The following ALKBH1 variants were observed in gnomAD, a reference collection of about 807,000 sequenced individuals.
ALKBH1 encodes the protein nucleic acid dioxygenase ALKBH1.
A neutral mutation model predicts 36.6 loss-of-function variants in ALKBH1; 31 were observed. The observed-to-expected ratio is 0.85, with a 90% CI of 0.64 to 1.14. ALKBH1 has a LOEUF of 1.14. Among genes scored for constraint, ALKBH1 ranks in the 50% most tolerant of loss-of-function variants. The pLI is 0.00. For synonymous variants in ALKBH1, 183 were observed against 186.6 expected (o/e 0.98, Z 0.16); for missense variants, 490 against 497.3 (o/e 0.99, Z 0.14).
intron 3 of ALKBH1, chr14:77,692,062 G>A (rs1368065317): frequency 6.6e-6 from 1 of 152,144 alleles, no homozygotes; most frequent in Non-Finnish European, 1.5e-5. Context: ...TACTCTGTTA[G>A]AATCGGCATG....
intron 2 of ALKBH1, chr14:77,696,886 C>T (rs1370992156): frequency 3.9e-5 from 6 of 152,832 alleles, no homozygotes; most frequent in African/African-American, 1.4e-4. Context: ...TTGACAAGCA[C>T]TGAGGAAGAG....
intron 3 of ALKBH1, among the ~76,000 whole-genome samples, chr14:77,680,834 T>C (rs980113515): frequency 2.0e-5 from 3 of 151,964 alleles, no homozygotes; most frequent in African/African-American, 7.2e-5. Context: ...CATGCACCAC[T>C]ACGCCCAGCT....
intron 3 of ALKBH1, among the ~76,000 whole-genome samples, chr14:77,693,636 A>T (rs1480670945): frequency 6.6e-6 from 1 of 152,044 alleles, no homozygotes; most frequent in Non-Finnish European, 1.5e-5. Flanking sequence ...GTAAACCCCT[A>T]CTCATTTTTG....
intron 3 of ALKBH1, among the ~76,000 whole-genome samples, chr14:77,693,289 TC>T (rs1446577695): frequency 1.3e-5 from 2 of 152,050 alleles, no homozygotes; most frequent in African/African-American, 4.8e-5. Context: ...CCTCAAGTGT[TC>T]TTCTCACCTT....
chr14:77,689,634 G>C (rs1037642210), intron 3 of ALKBH1, among the ~76,000 whole-genome samples: 1 of 152,106 alleles, frequency 6.6e-6, no homozygotes, highest in African/African-American at 2.4e-5. Context: ...GCAATGGAAG[G>C]AGACAGGGGT....
intron 2 of ALKBH1, among the ~76,000 whole-genome samples, chr14:77,695,431 G>T (rs893953602): frequency 2.6e-5 from 4 of 152,156 alleles, no homozygotes; most frequent in Non-Finnish European, 1.5e-5. Flanking sequence ...TTGCCAGCTG[G>T]CTGTCTGCTA....
chr14:77,693,763 G>A (rs2080311297), intron 3 of ALKBH1, among the ~76,000 whole-genome samples: 1 of 152,144 alleles, frequency 6.6e-6, no homozygotes, highest in African/African-American at 2.4e-5. Flanking sequence ...TGAGGCAGGG[G>A]GATCACTTGA....
At chr14:77,686,074 C>T (rs2080266815) in intron 3 of ALKBH1, among the ~76,000 whole-genome samples, 1 of 152,154 alleles carries the variant, frequency 6.6e-6, no homozygotes, top group Non-Finnish European at 1.5e-5. Flanking sequence ...TTAATATCTG[C>T]CTTCAATATG....
At chr14:77,690,806 C>CT (rs560611010) in intron 3 of ALKBH1, among the ~76,000 whole-genome samples, 135 of 145,220 alleles carry the variant, frequency 9.3e-4, no homozygotes, top group Non-Finnish European at 1.2e-3. Context: ...ACACATAACT[C>CT]TTTTTTTTTT....
intron 3 of ALKBH1, among the ~76,000 whole-genome samples, chr14:77,693,174 C>A (rs2080307242): frequency 6.7e-6 from 1 of 150,256 alleles, no homozygotes; most frequent in African/African-American, 2.5e-5. Context: ...CCATTGCACT[C>A]CAGCCTGGGC....
chr14:77,690,559 G>A (rs1439058944), intron 3 of ALKBH1, among the ~76,000 whole-genome samples: 3 of 152,206 alleles, frequency 2.0e-5, no homozygotes, highest in African/African-American at 7.2e-5. Context: ...AATGATGGCA[G>A]CTTAGACCAA....
intron 3 of ALKBH1, among the ~76,000 whole-genome samples, chr14:77,686,553 G>GCT (rs879319513): frequency 6.6e-6 from 1 of 152,216 alleles, no homozygotes; most frequent in Admixed American, 6.5e-5. Flanking sequence ...TGGTGAATGT[G>GCT]CTCATACAGC....
intron 2 of ALKBH1, among the ~76,000 whole-genome samples, chr14:77,699,251 G>A (rs912417369): frequency 2.0e-5 from 3 of 152,172 alleles, no homozygotes; most frequent in African/African-American, 7.2e-5. Context: ...AATATCCTTA[G>A]GGAGAATTAC....
At chr14:77,685,632 A>T (rs753127063) in intron 3 of ALKBH1, among the ~76,000 whole-genome samples, 2 of 151,840 alleles carry the variant, frequency 1.3e-5, no homozygotes, top group South Asian at 4.2e-4. Context: ...ACAAAAAATT[A>T]GCCAGGCATG....
chr14:77,682,682 T>C (rs531080560), intron 3 of ALKBH1, among the ~76,000 whole-genome samples: 8 of 152,272 alleles, frequency 5.3e-5, no homozygotes, highest in African/African-American at 1.7e-4. Context: ...AGTATCTAAA[T>C]GGCAAAGAGT....
chr14:77,686,913 T>C (rs1013754373), intron 3 of ALKBH1, among the ~76,000 whole-genome samples: 34 of 152,192 alleles, frequency 2.2e-4, no homozygotes, highest in African/African-American at 8.2e-4. Context: ...TAAGCCACTG[T>C]GCCTGGCCAC....
chr14:77,689,891 G>A, intron 3 of ALKBH1, among the ~76,000 whole-genome samples: 1 of 152,066 alleles, frequency 6.6e-6, no homozygotes, highest in Admixed American at 6.5e-5. Flanking sequence ...AAAATAGACA[G>A]AAAATTGTAG....
At chr14:77,695,966 C>T (rs2080324746) in intron 2 of ALKBH1, among the ~76,000 whole-genome samples, 1 of 152,036 alleles carries the variant, frequency 6.6e-6, no homozygotes, top group South Asian at 2.1e-4. Flanking sequence ...GTGGCACGCA[C>T]CTGTAATCCC....
intron 3 of ALKBH1, among the ~76,000 whole-genome samples, chr14:77,689,747 G>GA (rs955863683): frequency 6.6e-6 from 1 of 151,700 alleles, no homozygotes; most frequent in Non-Finnish European, 1.5e-5. Flanking sequence ...GTAACAGTGG[G>GA]AAAAAAGCTT....
Sources: gnomAD v4.1 joint callset for allele counts (sites outside exome capture counted in the v4.1 genomes callset) on GRCh38, gnomAD v4.1.1 for gene constraint, MANE v1.5 for transcripts, NCBI Gene and HGNC (gene_info 2026-07-23, HGNC 2026-07-21) for gene names.